Variants in SGPP2 observed in about 807,000 individuals in gnomAD.
SGPP2 encodes the protein sphingosine 1-phosphate phosphohydrolase 2.
A neutral mutation model predicts 33.9 loss-of-function variants in SGPP2; 30 were observed. The ratio of observed to expected loss-of-function variants is 0.89; its 90% CI spans 0.66 to 1.20. The LOEUF (loss-of-function observed/expected upper bound fraction) is 1.20, where lower values mean the gene tolerates loss of function less well. SGPP2 is among the 50% of genes most tolerant of loss of function. The pLI, the probability that SGPP2 is intolerant of heterozygous loss-of-function variation, is 0.00. For missense variants in SGPP2, 458 were observed against 532.1 expected, an observed-to-expected ratio of 0.86 and a Z score of 1.37; for synonymous variants, 233 against 225.0, an observed-to-expected ratio of 1.04 and a Z score of -0.32.
chr2:222,502,194 A>G (rs1698377928), intron 2 of SGPP2, among the ~76,000 whole-genome samples: 1 of 152,262 alleles, frequency 6.6e-6, no homozygotes, highest in Non-Finnish European at 1.5e-5. Context: ...ATCAGGATAT[A>G]TACATTACAA....
In SGPP2 at chr2:222,465,243, T is replaced by A. The variant is rs1697727795; in HGVS notation, c.220-9325T>A. 6.6e-6 allele frequency among the ~76,000 whole-genome samples: 1 copy of A among 152,212 alleles called. No individual in the cohort carries two copies. Among genetic ancestry groups the A allele is most frequent in the African/African-American group, 2.4e-5 (1 of 41,454 alleles). ...GAAATTTTAATCACCTGAGCGCTGC[T>A]TAGACATTGGCTAGATCACCCAACT... On this transcript the variant is annotated intron_variant, in intron 1 of 4. Transcript: ENST00000321276. The surrounding 1 kb of genome is among the most constrained non-coding windows in gnomAD (Gnocchi z 4.1).
At chr2:222,474,286 T>C (rs1697895783) in intron 1 of SGPP2, among the ~76,000 whole-genome samples, 1 of 152,246 alleles carries the variant, frequency 6.6e-6, no homozygotes, top group African/African-American at 2.4e-5. Context: ...TCTAGCTCTC[T>C]GCATATACAA....
At chr2:222,531,657 A>G (rs1441018997) in intron 4 of SGPP2, among the ~76,000 whole-genome samples, 1 of 152,204 alleles carries the variant, frequency 6.6e-6, no homozygotes, top group East Asian at 1.9e-4. Context: ...TGGATATTTT[A>G]AAATAGTTAA....
intron 1 of SGPP2, among the ~76,000 whole-genome samples, chr2:222,432,525 T>C (rs1037026359): frequency 2.0e-5 from 3 of 152,212 alleles, no homozygotes; most frequent in African/African-American, 7.2e-5. Flanking sequence ...CGTCATCCAA[T>C]TAAGATCATG....
chr2:222,475,618 T>C (rs1452267530), intron 2 of SGPP2, among the ~76,000 whole-genome samples: 3 of 152,224 alleles, frequency 2.0e-5, no homozygotes, highest in Non-Finnish European at 4.4e-5. Flanking sequence ...CAGGAGCAGC[T>C]GCAAATACAC....
intron 1 of SGPP2, among the ~76,000 whole-genome samples, chr2:222,439,008 G>A (rs1042783187): frequency 1.3e-5 from 2 of 152,126 alleles, no homozygotes; most frequent in Non-Finnish European, 2.9e-5. Flanking sequence ...CACAGGATGA[G>A]TACCCACAGT....
chr2:222,430,091 A>AG (rs1491302606), intron 1 of SGPP2, among the ~76,000 whole-genome samples: 1 of 8,600 alleles, frequency 1.2e-4, no homozygotes, highest in East Asian at 2.5e-3. Context: ...TGCAAAAAAT[A>AG]AAAAAAATAC....
chr2:222,558,707 T>C lies in SGPP2; in HGVS notation c.1009T>C (p.Leu337=). ...TGCAGTGGGAATTGTGTTGATCCTC[T>C]TGGTTCGTCAGCTTGTACAAAATCT... is the stretch of plus-strand genomic sequence containing the variant. The part of the protein sequence containing the change: ...KFAVGIVLIL[L]VRQLVQNLSL... The change falls in exon 5 of 5, where the codon TTG becomes CTG. Residue 337 remains leucine (L), a synonymous_variant. Transcript: ENST00000321276. The C allele has an allele frequency of 6.2e-7, 1 of 1,614,208 alleles. No individual in the cohort carries two copies. Among genetic ancestry groups the C allele is most frequent in the Non-Finnish European group, 8.5e-7 (1 of 1,180,018 alleles).
chr2:222,437,109 G>A (rs1697253629), intron 1 of SGPP2, among the ~76,000 whole-genome samples: 1 of 152,170 alleles, frequency 6.6e-6, no homozygotes, highest in Non-Finnish European at 1.5e-5. Context: ...CCACCCATTG[G>A]TGAGCACTCA....
At chr2:222,454,867 T>C (rs1697548270) in intron 1 of SGPP2, among the ~76,000 whole-genome samples, 1 of 152,154 alleles carries the variant, frequency 6.6e-6, no homozygotes, top group Non-Finnish European at 1.5e-5. Context: ...ATGGCTACTT[T>C]CTAACCAGAA....
Position 222,497,937 on chromosome 2 carries a change from A to T in SGPP2, c.378+23211A>T, listed in dbSNP as rs2106115681. Among the ~76,000 whole-genome samples the T allele has an allele frequency of 1.3e-5, 2 of 152,224 alleles. 1 individual carries two copies. The highest frequency in any genetic ancestry group is 4.1e-4 in the South Asian group (2 of 4,826). ...CAGCCTCATGAGGCCCCTGGGGGAG[A>T]GAGTCCCAGGCCAAGAAGATCTCAA... On this transcript the variant is annotated intron_variant, in intron 2 of 4. Transcript: ENST00000321276.
At chr2:222,492,568 C>A (rs1698214457) in intron 2 of SGPP2, among the ~76,000 whole-genome samples, 1 of 152,232 alleles carries the variant, frequency 6.6e-6, no homozygotes, top group Admixed American at 6.5e-5. Flanking sequence ...ACCGCTTTTT[C>A]CTCCTAGGCC....
At chr2:222,555,953 A>G (rs1574895025) in intron 4 of SGPP2, among the ~76,000 whole-genome samples, 1 of 152,200 alleles carries the variant, frequency 6.6e-6, no homozygotes, top group African/African-American at 2.4e-5. Context: ...GCTATTCACT[A>G]TGAAAGGAAT....
chr2:222,474,833 C>A (rs1257083883), intron 2 of SGPP2, 107 bp downstream of exon 2: 5 of 858,904 alleles, frequency 5.8e-6, no homozygotes, highest in South Asian at 2.2e-5. Context: ...TTTTTTTTTA[C>A]CACTTAGAGT....
intron 1 of SGPP2, among the ~76,000 whole-genome samples, chr2:222,471,987 C>A (rs917480576): frequency 6.6e-6 from 1 of 152,090 alleles, no homozygotes; most frequent in Non-Finnish European, 1.5e-5. Context: ...CTAAGTCTTT[C>A]TTTTCTGCCC....
Position 222,560,667 on chromosome 2 carries a change from C to T in SGPP2, c.*1769C>T, listed in dbSNP as rs1027907907. On this transcript the variant is annotated 3_prime_UTR_variant, in exon 5 of 5. Transcript: ENST00000321276. ...CCAACACATCATCACCATGTGCATACTCTAGAAAAAAAAATAGCTTCCTTA... is the reference window on the plus strand; with the variant it reads ...CCAACACATCATCACCATGTGCATATTCTAGAAAAAAAAATAGCTTCCTTA... The T allele has an allele frequency of 3.3e-5, 5 of 150,502 alleles. No homozygotes were observed. Among genetic ancestry groups the T allele is most frequent in the African/African-American group, 1.2e-4 (5 of 40,162 alleles). The allele number at this position is 150,502 out of a possible 1,614,324, so 9.3% of individuals were successfully genotyped here.
At position 222,558,876 on chromosome 2, in the gene SGPP2, A is replaced by T; in HGVS notation, c.1178A>T (p.His393Leu). ...GCTACAACCTTTGTGCCGATGCTTC[A>T]CAGGTTTCTGGGATTACCCTGAGTC... ...ICATTFVPML[H>L]RFLGLP The change falls in exon 5 of 5, where the codon CAC becomes CTC. Residue 393 changes from histidine to leucine, a missense_variant. Transcript: ENST00000321276. The T allele has an allele frequency of 6.2e-7, 1 of 1,608,512 alleles. No individual in the cohort carries two copies. The highest frequency in any genetic ancestry group is 8.5e-7 in the Non-Finnish European group (1 of 1,175,180).
intron 2 of SGPP2, among the ~76,000 whole-genome samples, chr2:222,520,951 G>T (rs1332717735): frequency 1.3e-5 from 2 of 151,908 alleles, no homozygotes; most frequent in East Asian, 1.9e-4. Flanking sequence ...GTAGAGACAG[G>T]GTCTCACCAT....
At position 222,558,730 on chromosome 2, in the gene SGPP2, T is replaced by A; in HGVS notation, c.1032T>A (p.Asn344Lys). ...LILLVRQLVQ[N>K]LSLQVLYSWF... The stretch of plus-strand genomic sequence containing the variant: ...TCTTGGTTCGTCAGCTTGTACAAAA[T>A]CTCTCACTGCAAGTATTATACTCAT... Residue 344 changes from asparagine to lysine, a missense_variant, in exon 5 of 5, where the codon AAT becomes AAA. By Grantham distance (94) the Asn-to-Lys change is moderately conservative. Coordinates refer to ENST00000321276, the MANE Select transcript of SGPP2 (RefSeq NM_152386.4). 1 of 1,614,110 alleles carries A rather than the reference T, an allele frequency of 6.2e-7. No homozygotes were observed. Among genetic ancestry groups the A allele is most frequent in the Non-Finnish European group, 8.5e-7 (1 of 1,180,014 alleles).
Sources: gnomAD v4.1 joint callset for allele counts (sites outside exome capture counted in the v4.1 genomes callset) on GRCh38, gnomAD v4.1.1 for gene constraint, Gnocchi (gnomAD v3.1) non-coding constraint, MANE v1.5 for transcripts, NCBI Gene and HGNC (gene_info 2026-07-23, HGNC 2026-07-21) for gene names.